Variants in ERG observed in about 807,000 individuals in gnomAD.
ERG encodes the protein transcriptional regulator ERG.
In ERG, 9 loss-of-function variants were observed where a neutral mutation model predicts 55.3. That is an observed-to-expected ratio of 0.16 (90% CI 0.10 to 0.28). The LOEUF is 0.28. Among genes scored for constraint, ERG ranks in the 10% least tolerant of loss-of-function variants. The probability of loss-of-function intolerance (pLI) is 1.00; values close to 1 mark genes in which losing one functional copy is unlikely to be tolerated. For missense variants in ERG, 434 were observed against 631.6 expected, an observed-to-expected ratio of 0.69 and a Z score of 3.35; for synonymous variants, 223 against 237.3, an observed-to-expected ratio of 0.94 and a Z score of 0.55.
At chr21:38,657,890 C>T (rs193141738) in intron 1 of ERG, among the ~76,000 whole-genome samples, 1 of 152,260 alleles carries the variant, frequency 6.6e-6, no homozygotes, top group East Asian at 1.9e-4. Context: ...TCCCCAAATA[C>T]CGCAGTGATT....
At chr21:38,567,864 T>C (rs1464222553) in intron 2 of ERG, among the ~76,000 whole-genome samples, 1 of 152,214 alleles carries the variant, frequency 6.6e-6, no homozygotes, top group Non-Finnish European at 1.5e-5. Context: ...GCTCGGCTCA[T>C]CTGCTGGGCT....
At chr21:38,564,389 G>T (rs529723514) in intron 2 of ERG, among the ~76,000 whole-genome samples, 2 of 152,094 alleles carry the variant, frequency 1.3e-5, no homozygotes, top group African/African-American at 4.8e-5. Context: ...ATCTCATGGG[G>T]TGTTGGAAAA....
At chr21:38,642,129 C>T (rs919353596) in intron 1 of ERG, among the ~76,000 whole-genome samples, 2 of 152,170 alleles carry the variant, frequency 1.3e-5, no homozygotes, top group Non-Finnish European at 2.9e-5. Flanking sequence ...ATTAAGCATA[C>T]CTATGAACAT....
intron 2 of ERG, among the ~76,000 whole-genome samples, chr21:38,535,973 C>T (rs2059706690): frequency 6.6e-6 from 1 of 152,022 alleles, no homozygotes; most frequent in Non-Finnish European, 1.5e-5. Flanking sequence ...CACATCTCAT[C>T]CTCTTTCCTC....
At position 38,482,182 on chromosome 21, in the gene ERG, T is replaced by C. The variant is rs1253069124; in HGVS notation, c.18+16181A>G. The stretch of plus-strand genomic sequence containing the variant: ...AGATTCTGGGCAGCCCCCGGTCATC[T>C]GACCTTCCCAAACATAGGGAAAGGA... On this transcript the variant is annotated intron_variant, in intron 1 of 9. Transcript: ENST00000288319. Among the ~76,000 whole-genome samples, 11 of 152,352 alleles carry C rather than the reference T, an allele frequency of 7.2e-5. No homozygotes were observed. In the South Asian group the frequency reaches 1.7e-3, roughly 23 times the overall value.
chr21:38,468,009 T>C (rs937209940), intron 1 of ERG, among the ~76,000 whole-genome samples: 1 of 152,214 alleles, frequency 6.6e-6, no homozygotes, highest in African/African-American at 2.4e-5. Flanking sequence ...CCTGCCTTCT[T>C]AAAACATTTC....
At chr21:38,448,475 CA>C (rs1163109840) in intron 1 of ERG, among the ~76,000 whole-genome samples, 1 of 152,190 alleles carries the variant, frequency 6.6e-6, no homozygotes, top group Non-Finnish European at 1.5e-5. Flanking sequence ...AAAGACAGAG[CA>C]ACCCAAACTA....
At chr21:38,636,045 GGGGTGGTACCCTCTTGCT>G (rs2146963512) in intron 1 of ERG, among the ~76,000 whole-genome samples, 2 of 152,100 alleles carry the variant, frequency 1.3e-5, no homozygotes, top group East Asian at 3.9e-4. Flanking sequence ...CTGAATCATG[GGGGTGGTACCCTCTTGCT>G]GTTCTCAAGA....
intron 6 of ERG, among the ~76,000 whole-genome samples, chr21:38,397,509 A>C (rs1434671930): frequency 1.3e-5 from 2 of 150,458 alleles, no homozygotes; most frequent in African/African-American, 4.9e-5. Flanking sequence ...GAGGCAGAAG[A>C]ATCACTTGAA....
chr21:38,380,012 A>G, downstream of ERG: 2 of 1,010,526 alleles, frequency 2.0e-6, no homozygotes, highest in Non-Finnish European at 2.4e-6. Context: ...TAAAAGATAA[A>G]AAGAAGGCAC....
At chr21:38,465,736 T>A (rs1169310051) in intron 1 of ERG, among the ~76,000 whole-genome samples, 1 of 152,226 alleles carries the variant, frequency 6.6e-6, no homozygotes, top group East Asian at 1.9e-4. Context: ...GTCTATTTTT[T>A]AAAAAATGAA....
At chr21:38,507,784 G>C (rs1031465734) in intron 2 of ERG, among the ~76,000 whole-genome samples, 9 of 152,118 alleles carry the variant, frequency 5.9e-5, no homozygotes, top group African/African-American at 2.2e-4. Flanking sequence ...ATGTGGCCAG[G>C]CCCAGCTGTG....
chr21:38,603,214 C>T (rs959153013), intron 1 of ERG, among the ~76,000 whole-genome samples: 5 of 152,088 alleles, frequency 3.3e-5, no homozygotes, highest in African/African-American at 1.2e-4. Flanking sequence ...ACGCAGCTTA[C>T]ATCCAGAGCA....
chr21:38,445,593 T>C lies in ERG; in HGVS notation c.47A>G (p.Gln16Arg). 2 of 1,614,148 alleles carry C rather than the reference T, an allele frequency of 1.2e-6. No homozygotes were observed. The highest frequency in any genetic ancestry group is 1.7e-6 in the Non-Finnish European group (2 of 1,180,018). The change falls in exon 2 of 10, where the codon CAG becomes CGG. Residue 16 changes from glutamine to arginine, a missense_variant. Gln to Arg is a conservative substitution (Grantham distance 43). Coordinates refer to ENST00000288319, the MANE Select transcript of ERG (RefSeq NM_182918.4). ...KEALSVVSEDQSLFECAYGTP... is the reference protein window; with the variant it reads ...KEALSVVSEDRSLFECAYGTP... ...TCCGTAGGCACACTCAAACAACGAC[T>C]GGTCCTCACTCACAACTGATAAGGC...
chr21:38,509,246 A>G (rs1215444255), intron 2 of ERG, among the ~76,000 whole-genome samples: 2 of 152,230 alleles, frequency 1.3e-5, no homozygotes, highest in Non-Finnish European at 2.9e-5. Flanking sequence ...TTCCTTAAGA[A>G]GAAACTTTTG....
chr21:38,466,300 G>GGTGTGTGTGTGTGT (rs145670035), intron 1 of ERG, among the ~76,000 whole-genome samples: 7,175 of 140,544 alleles, frequency 0.051, 212 homozygotes, highest in African/African-American at 0.063. Flanking sequence ...GATGGTCTGG[G>GGTGTGTGTGTGTGT]GTGTGTGTGT....
chr21:38,427,735 A>C (rs1050053688), intron 2 of ERG, among the ~76,000 whole-genome samples: 2 of 152,206 alleles, frequency 1.3e-5, no homozygotes, highest in African/African-American at 4.8e-5. Flanking sequence ...TTTAAGGTGT[A>C]CACTAAAGCA....
At chr21:38,389,858 T>C (rs1029716241) in intron 9 of ERG, among the ~76,000 whole-genome samples, 10 of 152,178 alleles carry the variant, frequency 6.6e-5, no homozygotes, top group Non-Finnish European at 1.3e-4. Flanking sequence ...GTAAAAAAAA[T>C]TCATTGAATT....
chr21:38,448,944 C>T (rs2058916375), intron 1 of ERG: 2 of 152,224 alleles, frequency 1.3e-5, no homozygotes, highest in South Asian at 4.1e-4. Flanking sequence ...GACTTCCTGG[C>T]CTTGACTGAC....
Sources: gnomAD v4.1 joint callset for allele counts (sites outside exome capture counted in the v4.1 genomes callset) on GRCh38, gnomAD v4.1.1 for gene constraint, MANE v1.5 for transcripts, NCBI Gene and HGNC (gene_info 2026-07-23, HGNC 2026-07-21) for gene names.